The following TNNT1 variants were observed in gnomAD, a reference collection of about 807,000 sequenced individuals.
The protein encoded by TNNT1 is troponin T1, slow skeletal type.
In TNNT1, 53 loss-of-function variants were observed where a neutral mutation model predicts 50.6. That is an observed-to-expected ratio of 1.05 (90% confidence interval 0.84 to 1.32). TNNT1 has a LOEUF of 1.32. Ranked by LOEUF, TNNT1 falls within the 40% of genes most tolerant of loss-of-function variation. The pLI is 0.00. For synonymous variants in TNNT1, 142 were observed against 138.0 expected (o/e 1.03, Z -0.20); for missense variants, 348 against 381.7 (o/e 0.91, Z 0.74).
chr19:55,143,621 G>A (rs941817318), intron 6 of TNNT1, among the ~76,000 whole-genome samples: 2 of 152,032 alleles, frequency 1.3e-5, no homozygotes, highest in Admixed American at 1.3e-4. Context: ...ATAAAATATG[G>A]CTTACCATAT....
At chr19:55,147,086 C>CT (rs1323076722) in intron 2 of TNNT1, 40 bp downstream of exon 2, 3 of 1,613,522 alleles carry the variant, frequency 1.9e-6, no homozygotes, top group Non-Finnish European at 2.5e-6. Context: ...AGAGCCTCTC[C>CT]ACCACTGCAC....
At chr19:55,144,064 CCCACCCCCTT>C (rs2085504820) in intron 6 of TNNT1, among the ~76,000 whole-genome samples, 1 of 147,174 alleles carries the variant, frequency 6.8e-6, no homozygotes, top group African/African-American at 2.5e-5. Flanking sequence ...CCCACCCCAC[CCCACCCCCTT>C]TTTTTTTTTT....
intron 11 of TNNT1, among the ~76,000 whole-genome samples, chr19:55,136,520 C>T (rs569910921): frequency 2.8e-4 from 43 of 152,294 alleles, no homozygotes; most frequent in Middle Eastern, 3.4e-3. Context: ...ACAAAGTAGC[C>T]GGCAAAGCTG....
chr19:55,143,949 C>T (rs559481139), intron 6 of TNNT1, among the ~76,000 whole-genome samples: 19 of 152,238 alleles, frequency 1.2e-4, no homozygotes, highest in East Asian at 9.7e-4. Context: ...CCACTTTGTT[C>T]CCCAGCCCAG....
rs2085271756 is a variant in TNNT1, at chr19:55,132,833, T to C, written c.*82A>G. On this transcript the variant is annotated 3_prime_UTR_variant, in exon 14 of 14. Coordinates refer to ENST00000588981, the MANE Select transcript of TNNT1 (RefSeq NM_003283.6). Reference sequence around the variant, plus strand: ...ATAACATCAGAGAACCCAGCGGGTGTCTGAGGGGAGCGTTTATTTCAAGCT... The same window carrying C: ...ATAACATCAGAGAACCCAGCGGGTGCCTGAGGGGAGCGTTTATTTCAAGCT... 2 of 1,354,544 alleles carry C rather than the reference T, an allele frequency of 1.5e-6. No individual in the cohort carries two copies. The highest frequency in any genetic ancestry group is 2.1e-6 in the Non-Finnish European group (2 of 967,044). 83.9% of individuals were successfully genotyped at this position (1,354,544 alleles called of 1,614,324 possible). A position where few individuals can be genotyped will look rare whatever the true frequency, so the allele number is the denominator to read the frequency against.
intron 10 of TNNT1, 60 bp from the exon 11 acceptor site, chr19:55,137,272 G>T: frequency 8.0e-7 from 1 of 1,254,272 alleles, no homozygotes; most frequent in Non-Finnish European, 1.2e-6. Context: ...GCACTGCCGT[G>T]TCGGGACCCA....
chr19:55,135,160 T>G (rs1458786195), intron 11 of TNNT1, among the ~76,000 whole-genome samples: 1 of 151,998 alleles, frequency 6.6e-6, no homozygotes, highest in African/African-American at 2.4e-5. Context: ...AGCAGGTCAC[T>G]GGGTGCGGCT....
intron 13 of TNNT1, 194 bp downstream of exon 13, chr19:55,133,693 A>G (rs893707344): frequency 4.5e-6 from 3 of 663,422 alleles, no homozygotes; most frequent in Non-Finnish European, 5.2e-6. Flanking sequence ...AAAAAAAAAA[A>G]AAGAAAGAAA....
At chr19:55,148,322 C>T (rs1376659142) in intron 1 of TNNT1, among the ~76,000 whole-genome samples, 1 of 152,042 alleles carries the variant, frequency 6.6e-6, no homozygotes, top group Non-Finnish European at 1.5e-5. Context: ...CCTGTCTCCC[C>T]TTTCACCTTC....
At position 55,147,163 on chromosome 19, in the gene TNNT1, T is replaced by G; in HGVS notation, c.-6A>C. ...TGCTCCTCGGTGTCCGACATCCTGGTGCGGCCTAAGGACCAGAGAGAAGAG... is the reference window on the plus strand; with the variant it reads ...TGCTCCTCGGTGTCCGACATCCTGGGGCGGCCTAAGGACCAGAGAGAAGAG... On this transcript the variant is annotated 5_prime_UTR_variant, in exon 2 of 14. Coordinates refer to ENST00000588981, the MANE Select transcript of TNNT1 (RefSeq NM_003283.6). 1 of 1,613,492 alleles carries G rather than the reference T, an allele frequency of 6.2e-7. No homozygotes were observed. Among genetic ancestry groups the G allele is most frequent in the Non-Finnish European group, 8.5e-7 (1 of 1,179,714 alleles).
intron 8 of TNNT1, 42 bp from the exon 9 acceptor site, chr19:55,141,002 C>T (rs2085442424): frequency 6.2e-7 from 1 of 1,608,662 alleles, no homozygotes. Flanking sequence ...GGACGTACCC[C>T]CAGTCTTCCT....
At position 55,132,808 on chromosome 19, in the gene TNNT1, A is replaced by G. The variant is rs892538908; in HGVS notation, c.*107T>C. On this transcript the variant is annotated 3_prime_UTR_variant, in exon 14 of 14. Coordinates refer to ENST00000588981, the MANE Select transcript of TNNT1 (RefSeq NM_003283.6). ...AGAGACCAGCTGCATCTCAACCATA[A>G]TAACATCAGAGAACCCAGCGGGTGT... is the stretch of plus-strand genomic sequence containing the variant. 5.6e-6 allele frequency: 6 copies of G among 1,065,166 alleles called. No individual in the cohort carries two copies. The highest frequency in any genetic ancestry group is 4.0e-5 in the Admixed American group (2 of 50,176). 66.0% of individuals were successfully genotyped at this position (1,065,166 alleles called of 1,614,324 possible). A position where few individuals can be genotyped will look rare whatever the true frequency, so the allele number is the denominator to read the frequency against.
At position 55,146,673 on chromosome 19, in the gene TNNT1, G is replaced by A; in HGVS notation, c.73+8C>T. The A allele has an allele frequency of 1.3e-6, 2 of 1,496,568 alleles. No individual in the cohort carries two copies. The highest frequency in any genetic ancestry group is 1.4e-5 in the African/African-American group (1 of 71,810). The allele number at this position is 1,496,568 out of a possible 1,614,324, so 92.7% of individuals were successfully genotyped here. ...CCAGCTCCAGACCTGCGGAGTCCGGGACCTCACCTTCCTCCTCCTCCTCCG... is the reference window on the plus strand; with the variant it reads ...CCAGCTCCAGACCTGCGGAGTCCGGAACCTCACCTTCCTCCTCCTCCTCCG... On this transcript the variant is annotated splice_region_variant and intron_variant, in intron 4 of 13. Coordinates refer to ENST00000588981, the MANE Select transcript of TNNT1 (RefSeq NM_003283.6).
intron 13 of TNNT1, chr19:55,133,571 A>G: frequency 2.2e-6 from 1 of 454,894 alleles, no homozygotes; most frequent in Non-Finnish European, 4.0e-6. Context: ...CCAGCTACTC[A>G]GGGGGCTGAG....
intron 11 of TNNT1, among the ~76,000 whole-genome samples, chr19:55,134,568 T>G (rs2085308266): frequency 6.7e-6 from 1 of 148,398 alleles, no homozygotes; most frequent in African/African-American, 2.5e-5. Context: ...TTCCGGCTAC[T>G]TGGGAGGCTG....
chr19:55,146,791 T>TC, intron 3 of TNNT1, 84 bp from the exon 4 acceptor site: 1 of 1,219,378 alleles, frequency 8.2e-7, no homozygotes, highest in Non-Finnish European at 1.1e-6. Flanking sequence ...TTCCAGTCTC[T>TC]GCTGGACGGG....
chr19:55,138,091 G>A lies in TNNT1; in HGVS notation c.388-17C>T. Reference sequence around the variant, plus strand: ...CTTCTCCTCCTGTGGGAAGTAAGGGGTTAACCTCATGGACTCCCCTGTAGG... The same window carrying A: ...CTTCTCCTCCTGTGGGAAGTAAGGGATTAACCTCATGGACTCCCCTGTAGG... On this transcript the variant is annotated splice_polypyrimidine_tract_variant and intron_variant, in intron 9 of 13. Coordinates refer to ENST00000588981, the MANE Select transcript of TNNT1 (RefSeq NM_003283.6). 6.2e-7 allele frequency: 1 copy of A among 1,614,056 alleles called. No individual in the cohort carries two copies. The highest frequency in any genetic ancestry group is 8.5e-7 in the Non-Finnish European group (1 of 1,180,000).
chr19:55,144,500 C>T (rs1447527156), intron 6 of TNNT1, among the ~76,000 whole-genome samples: 1 of 152,216 alleles, frequency 6.6e-6, no homozygotes, highest in Non-Finnish European at 1.5e-5. Context: ...CTTCCTCAGC[C>T]TCCTGAGTAG....
chr19:55,141,791 A>C (rs2085460749), intron 7 of TNNT1, 66 bp downstream of exon 7: 1 of 1,586,852 alleles, frequency 6.3e-7, no homozygotes, highest in African/African-American at 1.3e-5. Flanking sequence ...GCGCCTTTTC[A>C]TGATTGACAC....
Sources: gnomAD v4.1 joint callset for allele counts (sites outside exome capture counted in the v4.1 genomes callset) on GRCh38, gnomAD v4.1.1 for gene constraint, MANE v1.5 for transcripts, NCBI Gene and HGNC (gene_info 2026-07-23, HGNC 2026-07-21) for gene names.